FNDC3B: variants seen among roughly 807,000 people sequenced by gnomAD.
FNDC3B encodes the protein fibronectin type III domain-containing protein 3B.
Under a neutral mutation model 151.5 loss-of-function variants are expected in FNDC3B, and 12 were observed. The observed-to-expected ratio is 0.08, with a 90% CI of 0.05 to 0.13. The LOEUF is 0.13. Ranked by LOEUF, FNDC3B falls within the 10% of genes least tolerant of loss-of-function variation. The pLI, the probability that FNDC3B is intolerant of heterozygous loss-of-function variation, is 1.00. For missense variants in FNDC3B, 1,214 were observed against 1,505.3 expected, an observed-to-expected ratio of 0.81 and a Z score of 3.20; for synonymous variants, 528 against 549.0, an observed-to-expected ratio of 0.96 and a Z score of 0.54.
intron 1 of FNDC3B, among the ~76,000 whole-genome samples, chr3:172,110,343 C>G (rs1018535776): frequency 1.8e-4 from 27 of 152,024 alleles, no homozygotes; most frequent in African/African-American, 6.3e-4. Context: ...GCTGCAAATC[C>G]AAGTGTTCAA....
chr3:172,140,125 A>C (rs1381501047), intron 3 of FNDC3B, among the ~76,000 whole-genome samples: 1 of 152,168 alleles, frequency 6.6e-6, no homozygotes. Context: ...TTTCTGATTG[A>C]TCCAAAGCTG....
chr3:172,089,880 C>A (rs553682492), intron 1 of FNDC3B, among the ~76,000 whole-genome samples: 1 of 152,142 alleles, frequency 6.6e-6, no homozygotes, highest in African/African-American at 2.4e-5. Context: ...GGAATGAATT[C>A]CCAGGTCGGC....
chr3:172,341,197 G>T lies in FNDC3B; in HGVS notation c.1937G>T (p.Arg646Leu). 1 of 1,614,100 alleles carries T rather than the reference G, an allele frequency of 6.2e-7. No individual in the cohort carries two copies. Among genetic ancestry groups the T allele is most frequent in the South Asian group, 1.1e-5 (1 of 91,080 alleles). Reference sequence around the variant, plus strand: ...AAACCAGGCACTTTGTACAAACTCCGAGCATGCTGCATCAGTACCGGCGGA... The same window carrying T: ...AAACCAGGCACTTTGTACAAACTCCTAGCATGCTGCATCAGTACCGGCGGA... ...HLKPGTLYKL[R>L]ACCISTGGHS... is the part of the protein sequence containing the mutation. Residue 646 changes from arginine to leucine, a missense_variant, in exon 17 of 26, where the codon CGA (arginine) becomes CTA (leucine). Physicochemically the swap from Arg to Leu is moderately radical, Grantham distance 102 (BLOSUM62 -2). This residue lies in a region of FNDC3B where 380 missense variants were observed against 420.9 expected (regional missense o/e 0.90). Coordinates refer to ENST00000415807, the MANE Select transcript of FNDC3B (RefSeq NM_022763.4).
intron 3 of FNDC3B, among the ~76,000 whole-genome samples, chr3:172,197,995 T>G (rs1454872554): frequency 6.6e-6 from 1 of 152,252 alleles, no homozygotes; most frequent in Non-Finnish European, 1.5e-5. Flanking sequence ...GTTGATTTAT[T>G]CATTATTTGT....
chr3:172,388,772 G>A (rs1314655073), intron 25 of FNDC3B, among the ~76,000 whole-genome samples: 1 of 152,178 alleles, frequency 6.6e-6, no homozygotes, highest in Non-Finnish European at 1.5e-5. Flanking sequence ...TGTATTTGTA[G>A]GCCCCAAGGG....
intron 1 of FNDC3B, among the ~76,000 whole-genome samples, chr3:172,107,075 A>G (rs1165844343): frequency 6.6e-6 from 1 of 152,142 alleles, no homozygotes; most frequent in Non-Finnish European, 1.5e-5. Context: ...GCTAGAAGGT[A>G]ACCAGTGGCT....
chr3:172,320,607 G>C (rs889016869), intron 11 of FNDC3B, among the ~76,000 whole-genome samples: 2 of 152,186 alleles, frequency 1.3e-5, no homozygotes, highest in African/African-American at 2.4e-5. Context: ...GAAAATATCA[G>C]CCAGCTTCAT....
chr3:172,191,995 T>C (rs766220470), intron 3 of FNDC3B, among the ~76,000 whole-genome samples: 4 of 152,126 alleles, frequency 2.6e-5, no homozygotes, highest in Non-Finnish European at 5.9e-5. Flanking sequence ...ATGTGGTACA[T>C]ATGTTACCAG....
At chr3:172,289,730 C>T (rs1046170443) in intron 7 of FNDC3B, among the ~76,000 whole-genome samples, 3 of 152,132 alleles carry the variant, frequency 2.0e-5, no homozygotes, top group Admixed American at 6.5e-5. Context: ...GCACAAACGC[C>T]GGAAGTCTGA....
rs1216405365 is a variant in FNDC3B at position 172,225,565 on chromosome 3, G to A, written c.188-1306G>A. On this transcript the variant is annotated intron_variant, in intron 3 of 25. Transcript: ENST00000415807. ...ACTGCTAATGAAGGCCACTCATTTTGCTGTTGTCATCCACCTTATTGTATC... is the reference window on the plus strand; with the variant it reads ...ACTGCTAATGAAGGCCACTCATTTTACTGTTGTCATCCACCTTATTGTATC... The A allele has an allele frequency of 1.8e-5, 3 of 163,830 alleles. No individual in the cohort carries two copies. In the Admixed American group the frequency reaches 1.9e-4, roughly 10 times the overall value. The allele number at this position is 163,830 out of a possible 1,614,324, so 10.1% of individuals were successfully genotyped here.
At chr3:172,365,013 C>G (rs1259209885) in intron 23 of FNDC3B, among the ~76,000 whole-genome samples, 2 of 152,116 alleles carry the variant, frequency 1.3e-5, no homozygotes, top group African/African-American at 4.8e-5. Flanking sequence ...TGAAAACAGC[C>G]TAATTTTAGT....
At chr3:172,162,276 G>A (rs1722817530) in intron 3 of FNDC3B, among the ~76,000 whole-genome samples, 1 of 152,146 alleles carries the variant, frequency 6.6e-6, no homozygotes, top group Admixed American at 6.5e-5. Context: ...ACCGCGCCCG[G>A]CCTCTTAGCA....
intron 3 of FNDC3B, among the ~76,000 whole-genome samples, chr3:172,161,407 A>G (rs1256448623): frequency 6.6e-6 from 1 of 152,266 alleles, no homozygotes; most frequent in Non-Finnish European, 1.5e-5. Flanking sequence ...CACTTGTAGA[A>G]GAAACTGCTT....
intron 25 of FNDC3B, among the ~76,000 whole-genome samples, chr3:172,386,820 A>G (rs1487490928): frequency 6.6e-6 from 1 of 151,614 alleles, no homozygotes; most frequent in Non-Finnish European, 1.5e-5. Flanking sequence ...ATTTAATTTC[A>G]TGGTATTTCT....
intron 4 of FNDC3B, among the ~76,000 whole-genome samples, chr3:172,246,518 A>G (rs1468292331): frequency 1.3e-5 from 2 of 152,222 alleles, no homozygotes; most frequent in Non-Finnish European, 2.9e-5. Context: ...AGGAGCTGGT[A>G]GTGTGACGCT....
intron 1 of FNDC3B, among the ~76,000 whole-genome samples, chr3:172,099,433 T>G (rs888982700): frequency 6.6e-6 from 1 of 152,182 alleles, no homozygotes; most frequent in African/African-American, 2.4e-5. Context: ...GATATGATTC[T>G]TCCTTAAGAA....
In FNDC3B at chr3:172,104,224, T is replaced by C. The variant is rs554717823; in HGVS notation, c.-28-8228T>C. 9.9e-5 allele frequency among the ~76,000 whole-genome samples: 15 copies of C among 152,256 alleles called. No homozygotes were observed. The South Asian group carries it at 3.1e-3, about 32-fold the overall frequency. ...GGTATGCAGGGTAAGCAATTGGTAT[T>C]GAAGGGAGGAAACATACTCCCTTAA... On this transcript the variant is annotated intron_variant, in intron 1 of 25. Transcript: ENST00000415807.
intron 6 of FNDC3B, among the ~76,000 whole-genome samples, chr3:172,273,355 C>T (rs1158114147): frequency 2.0e-5 from 3 of 152,170 alleles, no homozygotes; most frequent in Non-Finnish European, 4.4e-5. Flanking sequence ...ACTAGAAATT[C>T]CTGTGTCATA....
chr3:172,179,436 A>G (rs754185907), intron 3 of FNDC3B, among the ~76,000 whole-genome samples: 4 of 152,162 alleles, frequency 2.6e-5, no homozygotes, highest in Non-Finnish European at 5.9e-5. Context: ...ATTCATATTA[A>G]AAGCAAAACA....
Sources: gnomAD v4.1 joint callset for allele counts (sites outside exome capture counted in the v4.1 genomes callset) on GRCh38, gnomAD v4.1.1 for gene constraint, gnomAD v4.1.1 regional missense constraint, MANE v1.5 for transcripts, NCBI Gene and HGNC (gene_info 2026-07-23, HGNC 2026-07-21) for gene names.